HHIPL1: variants seen among roughly 807,000 people sequenced by gnomAD.
HHIPL1 encodes the protein HHIP-like protein 1.
A neutral mutation model predicts 61.8 loss-of-function variants in HHIPL1; 43 were observed. That is an observed-to-expected ratio of 0.70 (90% confidence interval 0.55 to 0.90). HHIPL1 has a LOEUF of 0.90. Among genes scored for constraint, HHIPL1 ranks in the 40% least tolerant of loss-of-function variants. The pLI is 0.00. For missense variants in HHIPL1, 1,056 were observed against 1,157.7 expected (o/e 0.91, Z 1.28); for synonymous variants, 482 against 515.8 (o/e 0.93, Z 0.89).
chr14:99,655,706 G>A lies in HHIPL1; in HGVS notation c.903-1294G>A, dbSNP rs578256121. Among the ~76,000 whole-genome samples, 5 of 152,330 alleles carry A rather than the reference G, an allele frequency of 3.3e-5. No individual in the cohort carries two copies. The South Asian group carries it at 1.0e-3, about 32-fold the overall frequency. On this transcript the variant is annotated intron_variant, in intron 2 of 8. Coordinates refer to ENST00000330710, the MANE Select transcript of HHIPL1 (RefSeq NM_001127258.3). ...TAAACCACCCTAAGTATTTCAGTCAGAGGAAACTGAACACAGGGATGACTA... is the reference window on the plus strand; with the variant it reads ...TAAACCACCCTAAGTATTTCAGTCAAAGGAAACTGAACACAGGGATGACTA...
Position 99,645,370 on chromosome 14 carries a change from G to A in HHIPL1, c.163G>A (p.Glu55Lys), listed in dbSNP as rs767779810. 988 of 1,441,576 alleles carry A rather than the reference G, an allele frequency of 6.9e-4. No homozygotes were observed. Among genetic ancestry groups the A allele is most frequent in the Non-Finnish European group, 8.2e-4 (903 of 1,100,944 alleles). 89.3% of individuals were successfully genotyped at this position (1,441,576 alleles called of 1,614,324 possible). A position where few individuals can be genotyped will look rare whatever the true frequency, so the allele number is the denominator to read the frequency against. Residue 55 changes from glutamate to lysine, a missense_variant, in exon 1 of 9, where the codon GAG (glutamate) becomes AAG (lysine). Transcript: ENST00000330710. ...CTGCTGCGATGAGGGGCGCGACGCCGAGCTGACCCGCCGCTTCTGGGCCCT... is the reference window on the plus strand; with the variant it reads ...CTGCTGCGATGAGGGGCGCGACGCCAAGCTGACCCGCCGCTTCTGGGCCCT... The part of the protein sequence containing the change: ...FGCCDEGRDA[E>K]LTRRFWALAS...
intron 1 of HHIPL1, among the ~76,000 whole-genome samples, chr14:99,651,512 G>A (rs547805541): frequency 5.9e-5 from 9 of 152,260 alleles, no homozygotes; most frequent in African/African-American, 1.2e-4. Flanking sequence ...GAACTCACTC[G>A]CTCTACAGTA....
At chr14:99,615,693 AAGAG>A in the HHIPL1 span, among the ~76,000 whole-genome samples, 24 of 151,738 alleles carry the variant, frequency 1.6e-4, no homozygotes, top group African/African-American at 5.6e-4. Context: ...GAAAGAAAGA[AAGAG>A]AAAGAAAGAA....
rs2056426107 is a variant in HHIPL1 at position 99,680,100 on chromosome 14, TG to T, written c.*4475del. The T allele has an allele frequency of 6.6e-6, 1 of 152,174 alleles. No individual in the cohort carries two copies. The highest frequency in any genetic ancestry group is 2.4e-5 in the African/African-American group (1 of 41,442). 9.4% of individuals were successfully genotyped at this position (152,174 alleles called of 1,614,324 possible). On this transcript the variant is annotated 3_prime_UTR_variant, in exon 9 of 9. Coordinates refer to ENST00000330710, the MANE Select transcript of HHIPL1 (RefSeq NM_001127258.3). ...GAGGGGACAGATTCCTAGGGTGTTA[TG>T]TAAGTGGTCCCCGGGGCTTTAGAGG... is the stretch of plus-strand genomic sequence containing the variant.
At position 99,659,683 on chromosome 14, in the gene HHIPL1, C is replaced by A; in HGVS notation, c.1302C>A (p.Gly434=). The A allele has an allele frequency of 6.5e-7, 1 of 1,531,494 alleles. No individual in the cohort carries two copies. 94.9% of individuals were successfully genotyped at this position (1,531,494 alleles called of 1,614,324 possible). ...AGGAGGTGGACGTGGTGGAGCGCGG[C>A]GGCAACTATGGCTGGCGCGCGCGCG... The part of the protein sequence containing the change: ...KFEEVDVVER[G]GNYGWRAREG... The change falls in exon 4 of 9, where the codon GGC becomes GGA. Residue 434 remains glycine, a synonymous_variant. Coordinates refer to ENST00000330710, the MANE Select transcript of HHIPL1 (RefSeq NM_001127258.3).
chr14:99,650,578 G>A (rs2055912367), intron 1 of HHIPL1, among the ~76,000 whole-genome samples: 1 of 152,230 alleles, frequency 6.6e-6, no homozygotes, highest in Non-Finnish European at 1.5e-5. Context: ...CAGTAGAGCT[G>A]AGCAGACGTG....
In HHIPL1 at chr14:99,657,160, A is replaced by G. The variant is rs769110500; in HGVS notation, c.1046+17A>G. 22 of 1,610,516 alleles carry G rather than the reference A, an allele frequency of 1.4e-5. 1 individual carries two copies. The Admixed American group carries it at 3.7e-4, about 27-fold the overall frequency. On this transcript the variant is annotated intron_variant, in intron 3 of 8. Coordinates refer to ENST00000330710, the MANE Select transcript of HHIPL1 (RefSeq NM_001127258.3). ...CCAAAACAAGTATGTTCAGCTTTTGATTGGCTTGTGGGTTGGTCTCCATAT... is the reference window on the plus strand; with the variant it reads ...CCAAAACAAGTATGTTCAGCTTTTGGTTGGCTTGTGGGTTGGTCTCCATAT...
chr14:99,633,345 G>A, the HHIPL1 span, among the ~76,000 whole-genome samples: 1 of 152,222 alleles, frequency 6.6e-6, no homozygotes, highest in African/African-American at 2.4e-5. Context: ...AGGTTGACAG[G>A]CACTGTGGGG....
At chr14:99,663,974 A>G (rs1049179130) in intron 6 of HHIPL1, among the ~76,000 whole-genome samples, 2 of 152,224 alleles carry the variant, frequency 1.3e-5, no homozygotes, top group Admixed American at 6.5e-5. Context: ...ATGAAACCAC[A>G]TAATTATTTC....
chr14:99,652,719 T>C lies in HHIPL1; in HGVS notation c.751T>C (p.Phe251Leu). Reference protein sequence around the residue: ...TSPWEGDERGFLGIAFHPSFQ... With the variant: ...TSPWEGDERGLLGIAFHPSFQ... ...GCCCTGGGAGGGTGACGAGCGTGGC[T>C]TCCTGGGCATTGCCTTCCACCCCAG... Residue 251 changes from phenylalanine (F) to leucine (L), a missense_variant, in exon 2 of 9, where the codon TTC (phenylalanine) becomes CTC (leucine). By Grantham distance (22) the Phe-to-Leu change is conservative. Transcript: ENST00000330710. 1 of 1,614,030 alleles carries C rather than the reference T, an allele frequency of 6.2e-7. No homozygotes were observed. Among genetic ancestry groups the C allele is most frequent in the Middle Eastern group, 1.6e-4 (1 of 6,062 alleles).
chr14:99,671,951 T>C (rs2056330742), intron 7 of HHIPL1, among the ~76,000 whole-genome samples: 1 of 152,142 alleles, frequency 6.6e-6, no homozygotes, highest in Non-Finnish European at 1.5e-5. Flanking sequence ...GGAATCAGGC[T>C]GCATTTCAGG....
intron 3 of HHIPL1, among the ~76,000 whole-genome samples, chr14:99,658,840 C>G (rs1027151330): frequency 4.0e-5 from 6 of 151,784 alleles, no homozygotes; most frequent in African/African-American, 1.5e-4. Flanking sequence ...TAATGGTCAC[C>G]TACTATGTGC....
upstream of HHIPL1, among the ~76,000 whole-genome samples, chr14:99,642,046 T>C (rs2055758567): frequency 6.6e-6 from 1 of 150,662 alleles, no homozygotes; most frequent in Admixed American, 6.6e-5. Context: ...TTCAAGTGAT[T>C]CTCCCGCCTC....
the HHIPL1 span, among the ~76,000 whole-genome samples, chr14:99,633,899 G>A: frequency 3.9e-5 from 6 of 152,226 alleles, no homozygotes; most frequent in African/African-American, 7.2e-5. Context: ...CCCCGTGTCC[G>A]GGACAGGATC....
Position 99,657,117 on chromosome 14 carries a change from T to A in HHIPL1, c.1020T>A (p.Phe340Leu), listed in dbSNP as rs780929274. The A allele has an allele frequency of 1.2e-6, 2 of 1,613,348 alleles. No homozygotes were observed. Among genetic ancestry groups the A allele is most frequent in the Admixed American group, 3.3e-5 (2 of 59,880 alleles). Residue 340 changes from phenylalanine (F) to leucine (L), a missense_variant, in exon 3 of 9, where the codon TTT (phenylalanine) becomes TTA (leucine). Transcript: ENST00000330710. ...TGDGGMAGDP[F>L]GTFGNAQNKS... The stretch of plus-strand genomic sequence containing the variant: ...ATGGCGGGATGGCCGGAGACCCCTT[T>A]GGGACATTTGGAAATGCCCAAAACA...
the HHIPL1 span, among the ~76,000 whole-genome samples, chr14:99,619,033 A>T: frequency 6.6e-6 from 1 of 152,110 alleles, no homozygotes; most frequent in East Asian, 1.9e-4. Context: ...TGAGAGGGAG[A>T]CAGGAGCTGT....
rs1031587996 is a variant in HHIPL1, at chr14:99,671,931, G to A, written c.1731-386G>A. Among the ~76,000 whole-genome samples, 3 of 152,242 alleles carry A rather than the reference G, an allele frequency of 2.0e-5. No homozygotes were observed. The South Asian group carries it at 6.2e-4, about 32-fold the overall frequency. ...AAGGCTGTAGGGCTGGTGGGAGAGG[G>A]TGGCGGGCAGGAATCAGGCTGCATT... is the stretch of plus-strand genomic sequence containing the variant. On this transcript the variant is annotated intron_variant, in intron 7 of 8. Transcript: ENST00000330710.
rs1432272965 is a variant in HHIPL1, at chr14:99,677,525, T to G, written c.*1899T>G. The G allele has an allele frequency of 6.6e-6, 1 of 152,184 alleles. No homozygotes were observed. The highest frequency in any genetic ancestry group is 1.5e-5 in the Non-Finnish European group (1 of 68,098). The allele number at this position is 152,184 out of a possible 1,614,324, so 9.4% of individuals were successfully genotyped here. A position where few individuals can be genotyped will look rare whatever the true frequency, so the allele number is the denominator to read the frequency against. ...GTTCTGAGCTCTGACGCCGGGCGTG[T>G]TAGGAGATAGCAGGCCGTTAATGAC... On this transcript the variant is annotated 3_prime_UTR_variant, in exon 9 of 9. Transcript: ENST00000330710. The surrounding 1 kb of genome is among the most constrained non-coding windows in gnomAD (Gnocchi z 4.3).
chr14:99,606,985 C>G, the HHIPL1 span, among the ~76,000 whole-genome samples: 1 of 145,906 alleles, frequency 6.9e-6, no homozygotes, highest in African/African-American at 2.5e-5. Context: ...CACAGCCCAA[C>G]AGAACCAGGA....
Sources: gnomAD v4.1 joint callset for allele counts (sites outside exome capture counted in the v4.1 genomes callset) on GRCh38, gnomAD v4.1.1 for gene constraint, Gnocchi (gnomAD v3.1) non-coding constraint, MANE v1.5 for transcripts, NCBI Gene and HGNC (gene_info 2026-07-23, HGNC 2026-07-21) for gene names.